The following ABCA6 variants were observed in gnomAD, a reference collection of about 807,000 sequenced individuals.
ABCA6 encodes the protein ATP-binding cassette sub-family A member 6.
ABCA6 carries 164 observed loss-of-function variants against 191.2 expected under a neutral mutation model. That is an observed-to-expected ratio of 0.86 (90% CI 0.76 to 0.98). The LOEUF (loss-of-function observed/expected upper bound fraction) is 0.98. Ranked by LOEUF, ABCA6 falls within the 50% of genes least tolerant of loss-of-function variation. ABCA6 has a pLI of 0.00. For synonymous variants in ABCA6, 636 were observed against 647.7 expected (o/e 0.98, Z 0.27); for missense variants, 1,958 against 1,894.1 (o/e 1.03, Z -0.63).
chr17:69,134,939 G>A (rs940938238), intron 4 of ABCA6, among the ~76,000 whole-genome samples, 197 bp from the exon 5 acceptor site: 7 of 146,614 alleles, frequency 4.8e-5, no homozygotes, highest in African/African-American at 1.6e-4. Context: ...CTGGAGTGCA[G>A]TGGTGCGATC....
rs1313744977 is a variant in ABCA6, at chr17:69,124,951, T to C, written c.1204A>G (p.Met402Val). ...TAGATGAGACCATCCAAAAGCAACA[T>C]AGAAAAAGTTGCTATCATTGTATAT... ...DSYTMIATFS[M>V]LLLDGLIYLL... The change falls in exon 9 of 39, where the codon ATG becomes GTG. Residue 402 changes from methionine to valine, a missense_variant. Physicochemically the swap from Met to Val is conservative, Grantham distance 21. Coordinates refer to ENST00000284425, the MANE Select transcript of ABCA6 (RefSeq NM_080284.3). 7.6e-6 allele frequency: 12 copies of C among 1,575,350 alleles called. No individual in the cohort carries two copies. Among genetic ancestry groups the C allele is most frequent in the Non-Finnish European group, 9.5e-6 (11 of 1,159,648 alleles).
rs1279939468 is a variant in ABCA6 at position 69,128,659 on chromosome 17, T to C, written c.1079A>G (p.Asn360Ser). The C allele has an allele frequency of 6.2e-7, 1 of 1,613,290 alleles. No individual in the cohort carries two copies. The highest frequency in any genetic ancestry group is 1.1e-5 in the South Asian group (1 of 90,982). The change falls in exon 8 of 39, where the codon AAT becomes AGT. Residue 360 changes from asparagine (N) to serine (S), a missense_variant. Coordinates refer to ENST00000284425, the MANE Select transcript of ABCA6 (RefSeq NM_080284.3). ...AGTAAAGGCAAAAGGGCTACAAATA[T>C]TCAAAATCCACTCCAGAGATGAAGG... ...QLPSSLEWIL[N>S]ICSPFAFTTG...
chr17:69,129,970 A>G (rs1705802587), intron 6 of ABCA6, among the ~76,000 whole-genome samples: 1 of 152,066 alleles, frequency 6.6e-6, no homozygotes, highest in Non-Finnish European at 1.5e-5. Flanking sequence ...TTTACCATAT[A>G]TGCATACAGA....
At chr17:69,089,443 T>C in intron 27 of ABCA6, 22 bp downstream of exon 27, 1 of 1,607,390 alleles carries the variant, frequency 6.2e-7, no homozygotes, top group Non-Finnish European at 8.5e-7. Context: ...GAATGTGTGC[T>C]GAGGTGGAAA....
intron 12 of ABCA6, among the ~76,000 whole-genome samples, chr17:69,115,147 A>G (rs1568022338): frequency 6.6e-6 from 1 of 152,152 alleles, no homozygotes; most frequent in Non-Finnish European, 1.5e-5. Flanking sequence ...ACATATGCTT[A>G]TAGAACTGCA....
At position 69,137,399 on chromosome 17, in the gene ABCA6, C is replaced by A. The variant is rs755015611; in HGVS notation, c.198G>T (p.Arg66Ser). Reference sequence around the variant, plus strand: ...AAGAAGAGCTATTAAATTTATCTACCCTTCCCAGATTCTGAGGAGCCATTC... The same window carrying A: ...AAGAAGAGCTATTAAATTTATCTACACTTCCCAGATTCTGAGGAGCCATTC... ...FPGMAPQNLG[R>S]VDKFNSSSLM... The change falls in exon 3 of 39, where the codon AGG (arginine) becomes AGT (serine). Residue 66 changes from arginine (R) to serine (S), a missense_variant. Arg to Ser is a moderately radical substitution (Grantham distance 110). Transcript: ENST00000284425. 1 of 1,613,672 alleles carries A rather than the reference C, an allele frequency of 6.2e-7. No homozygotes were observed.
At position 69,110,876 on chromosome 17, in the gene ABCA6, C is replaced by G; in HGVS notation, c.2197G>C (p.Asp733His). The G allele has an allele frequency of 6.2e-7, 1 of 1,611,800 alleles. No individual in the cohort carries two copies. Among genetic ancestry groups the G allele is most frequent in the Non-Finnish European group, 8.5e-7 (1 of 1,178,868 alleles). ...TTGTTTTCTGTTTTTAATTTAGCAT[C>G]GGGGATGTGATGAGTAATGAAGGAT... ...ITSFITHHIP[D>H]AKLKTENKEK... Residue 733 changes from aspartate (D) to histidine (H), a missense_variant, in exon 17 of 39, where the codon GAT becomes CAT. Asp to His is a moderately conservative substitution (Grantham distance 81). Transcript: ENST00000284425.
At chr17:69,139,804 G>A (rs954147661) in intron 2 of ABCA6, among the ~76,000 whole-genome samples, 2 of 151,858 alleles carry the variant, frequency 1.3e-5, no homozygotes, top group African/African-American at 4.8e-5. Context: ...GTAGGGACAT[G>A]GATGAAATTG....
At chr17:69,089,973 C>T (rs2072889368) in intron 26 of ABCA6, among the ~76,000 whole-genome samples, 1 of 152,160 alleles carries the variant, frequency 6.6e-6, no homozygotes, top group Non-Finnish European at 1.5e-5. Context: ...CCAATGGTGA[C>T]TATTTTCCCA....
intron 32 of ABCA6, among the ~76,000 whole-genome samples, chr17:69,084,815 T>C (rs2072735816): frequency 9.2e-5 from 14 of 152,194 alleles, no homozygotes; most frequent in Admixed American, 9.2e-4. Flanking sequence ...CGTTCACTTA[T>C]TCCTTGTCAA....
chr17:69,085,062 G>C lies in ABCA6; in HGVS notation c.4150C>G (p.Leu1384Val). 6.2e-7 allele frequency: 1 copy of C among 1,613,066 alleles called. No individual in the cohort carries two copies. Among genetic ancestry groups the C allele is most frequent in the Non-Finnish European group, 8.5e-7 (1 of 1,179,778 alleles). Residue 1384 changes from leucine to valine, a missense_variant, in exon 32 of 39, where the codon CTC (leucine) becomes GTC (valine). By Grantham distance (32) the Leu-to-Val change is conservative. Coordinates refer to ENST00000284425, the MANE Select transcript of ABCA6 (RefSeq NM_080284.3). ...HLEVYAAVKG[L>V]RKADARLAIA... ...GCGAGCCTCGCGTCCGCTTTCCTGA[G>C]CCCCTTGACGGCAGCATACACCTCC...
At chr17:69,086,819 A>C in intron 29 of ABCA6, 84 bp from the exon 30 acceptor site, 1 of 822,718 alleles carries the variant, frequency 1.2e-6, no homozygotes, top group South Asian at 1.6e-5. Context: ...TTATGTCATA[A>C]GCCAAACCAT....
intron 4 of ABCA6, 83 bp from the exon 5 acceptor site, chr17:69,134,825 A>C: frequency 1.0e-6 from 1 of 955,126 alleles, no homozygotes; most frequent in Non-Finnish European, 1.6e-6. Flanking sequence ...AAAGAAAACA[A>C]TCTAGAGGAG....
At position 69,086,662 on chromosome 17, in the gene ABCA6, T is replaced by C. The variant is rs1201442434; in HGVS notation, c.3893A>G (p.Lys1298Arg). 1.7e-5 allele frequency: 27 copies of C among 1,612,988 alleles called. No homozygotes were observed. The highest frequency in any genetic ancestry group is 2.2e-5 in the Non-Finnish European group (26 of 1,179,422). Residue 1298 changes from lysine (K) to arginine (R), a missense_variant, in exon 30 of 39, where the codon AAG (lysine) becomes AGG (arginine). Physicochemically the swap from Lys to Arg is conservative, Grantham distance 26. Transcript: ENST00000284425. ...GATATTTCTTGCTGCTATTTTCTTC[T>C]TCCTCTTTGAAAAGCAACTTTTCTT... ...GQKKSCFSKR[K>R]KKIAARNISF...
chr17:69,096,311 TGAA>T lies in ABCA6; in HGVS notation c.3334_3336del (p.Phe1112del), dbSNP rs2073043622. ...CGAAAAATAAATGATATCATATATA[TGAA>T]GAAGACAAGAGAAGCTGCATAACCA... On this transcript the variant is annotated inframe_deletion, in exon 25 of 39. Coordinates refer to ENST00000284425, the MANE Select transcript of ABCA6 (RefSeq NM_080284.3). 1 of 1,529,066 alleles carries T rather than the reference TGAA, an allele frequency of 6.5e-7. No homozygotes were observed. Among genetic ancestry groups the T allele is most frequent in the East Asian group, 2.3e-5 (1 of 43,162 alleles). The allele number at this position is 1,529,066 out of a possible 1,614,324, so 94.7% of individuals were successfully genotyped here. A position where few individuals can be genotyped will look rare whatever the true frequency, so the allele number is the denominator to read the frequency against.
At chr17:69,097,135 G>C (rs2073066569) in intron 23 of ABCA6, among the ~76,000 whole-genome samples, 1 of 152,210 alleles carries the variant, frequency 6.6e-6, no homozygotes, top group South Asian at 2.1e-4. Flanking sequence ...GCTCACGCCT[G>C]TAATCCCAGC....
chr17:69,088,926 C>T (rs139590647), intron 27 of ABCA6, among the ~76,000 whole-genome samples: 7 of 152,116 alleles, frequency 4.6e-5, no homozygotes, highest in South Asian at 2.1e-4. Context: ...CTTCTCGAAG[C>T]CTTTCCTGAC....
chr17:69,089,022 C>A (rs563406464), intron 27 of ABCA6, among the ~76,000 whole-genome samples: 2 of 152,142 alleles, frequency 1.3e-5, no homozygotes, highest in African/African-American at 4.8e-5. Flanking sequence ...GGGCAGGGAC[C>A]GCTGTCTTTA....
intron 8 of ABCA6, among the ~76,000 whole-genome samples, chr17:69,128,211 T>A (rs1249529533): frequency 6.6e-6 from 1 of 152,124 alleles, no homozygotes; most frequent in Non-Finnish European, 1.5e-5. Flanking sequence ...TAATTTACTT[T>A]ATAATTATCT....
Sources: allele counts gnomAD v4.1 joint callset (sites outside exome capture counted in the v4.1 genomes callset), GRCh38; gene constraint gnomAD v4.1.1; transcripts MANE v1.5; gene names NCBI Gene and HGNC (gene_info 2026-07-23, HGNC 2026-07-21).